SNTG1: variants seen among roughly 807,000 people sequenced by gnomAD.
SNTG1 encodes the protein syntrophin gamma 1, also known as gamma-1-syntrophin.
Under a neutral mutation model 74.7 loss-of-function variants are expected in SNTG1, and 39 were observed. The observed-to-expected ratio is 0.52, with a 90% CI of 0.40 to 0.68. SNTG1 has a LOEUF of 0.68. Ranked by LOEUF, SNTG1 falls within the 30% of genes least tolerant of loss-of-function variation. The pLI is 0.00. For synonymous variants in SNTG1, 254 were observed against 217.1 expected (o/e 1.17, Z -1.49); for missense variants, 685 against 609.5 (o/e 1.12, Z -1.30).
chr8:50,598,149 C>T (rs1474923956), intron 13 of SNTG1, among the ~76,000 whole-genome samples: 2 of 151,728 alleles, frequency 1.3e-5, no homozygotes, highest in African/African-American at 4.8e-5. Flanking sequence ...TTGCCCAGCC[C>T]AATTTCATGA....
At chr8:50,017,283 G>A (rs1460168687) in intron 1 of SNTG1, among the ~76,000 whole-genome samples, 1 of 151,726 alleles carries the variant, frequency 6.6e-6, no homozygotes, top group African/African-American at 2.4e-5. Flanking sequence ...TATAGAAAGA[G>A]AAAAAGGGAA....
chr8:50,461,422 G>A (rs2093561153), intron 8 of SNTG1, among the ~76,000 whole-genome samples: 1 of 151,984 alleles, frequency 6.6e-6, no homozygotes, highest in Non-Finnish European at 1.5e-5. Context: ...TATACCCAAT[G>A]CCAATTATGC....
rs545418685 is a variant in SNTG1, at chr8:50,175,197, G to A, written c.-28+2562G>A. 4.2e-3 allele frequency among the ~76,000 whole-genome samples: 646 copies of A among 152,202 alleles called. 4 individuals carry two copies. Among genetic ancestry groups the A allele is most frequent in the Non-Finnish European group, 7.0e-3 (473 of 68,032 alleles). On this transcript the variant is annotated intron_variant, in intron 2 of 18. Coordinates refer to ENST00000642720, the MANE Select transcript of SNTG1 (RefSeq NM_018967.5). Reference sequence around the variant, plus strand: ...TACGTGTGCATGTGTCTTTATAGCAGCATGATTTATAGTCCTTTGGGTATA... The same window carrying A: ...TACGTGTGCATGTGTCTTTATAGCAACATGATTTATAGTCCTTTGGGTATA...
At chr8:50,058,255 A>G (rs1820191685) in intron 1 of SNTG1, among the ~76,000 whole-genome samples, 1 of 152,150 alleles carries the variant, frequency 6.6e-6, no homozygotes, top group Non-Finnish European at 1.5e-5. Flanking sequence ...AACAAATACT[A>G]TGCTTTTTCA....
At position 50,400,463 on chromosome 8, in the gene SNTG1, C is replaced by T. The variant is rs150959705; in HGVS notation, c.28-1747C>T. On this transcript the variant is annotated intron_variant, in intron 3 of 18. Transcript: ENST00000642720. ...ATCTTGGCTGTTGTGAATAGTGCTA[C>T]AATAAACATGGGAGTGCAGATGTCC... 6.1e-3 allele frequency among the ~76,000 whole-genome samples: 923 copies of T among 152,248 alleles called. 4 individuals carry two copies. The highest frequency in any genetic ancestry group is 0.02 in the Middle Eastern group (6 of 294).
intron 2 of SNTG1, among the ~76,000 whole-genome samples, chr8:50,179,027 G>C (rs890772293): frequency 6.6e-6 from 1 of 152,238 alleles, no homozygotes. Flanking sequence ...TGTTGTATAA[G>C]AGTCCAGTTT....
At chr8:50,222,295 G>C (rs779861201) in intron 2 of SNTG1, among the ~76,000 whole-genome samples, 1 of 152,160 alleles carries the variant, frequency 6.6e-6, no homozygotes, top group East Asian at 1.9e-4. Context: ...TATAGCCTGA[G>C]GGAGGGGCTA....
chr8:50,667,300 T>C (rs576100115), intron 15 of SNTG1, among the ~76,000 whole-genome samples: 2 of 152,218 alleles, frequency 1.3e-5, no homozygotes, highest in East Asian at 3.9e-4. Context: ...TAACCACTTT[T>C]TTAAAAAGTT....
At chr8:50,142,625 G>T (rs2081705840) in intron 1 of SNTG1, among the ~76,000 whole-genome samples, 1 of 152,084 alleles carries the variant, frequency 6.6e-6, no homozygotes, top group Non-Finnish European at 1.5e-5. Context: ...ATAAGGTTTT[G>T]TTAAAGAAGC....
chr8:50,427,117 T>C (rs566364641), intron 4 of SNTG1, among the ~76,000 whole-genome samples: 1 of 152,270 alleles, frequency 6.6e-6, no homozygotes, highest in African/African-American at 2.4e-5. Flanking sequence ...TACTTCTACC[T>C]ATATAGATAT....
At chr8:50,275,740 G>A (rs1313465074) in intron 2 of SNTG1, among the ~76,000 whole-genome samples, 2 of 152,082 alleles carry the variant, frequency 1.3e-5, no homozygotes, top group Non-Finnish European at 2.9e-5. Flanking sequence ...TAGTTACTGT[G>A]GAAATTTTCC....
chr8:50,752,524 A>G (rs1425403893), intron 18 of SNTG1, among the ~76,000 whole-genome samples: 1 of 151,916 alleles, frequency 6.6e-6, no homozygotes, highest in East Asian at 1.9e-4. Context: ...CAAAATCTGC[A>G]TTATTTTCAT....
intron 2 of SNTG1, among the ~76,000 whole-genome samples, chr8:50,267,673 T>C (rs191412604): frequency 4.6e-5 from 7 of 152,282 alleles, no homozygotes; most frequent in East Asian, 1.9e-4. Context: ...ATCTATGTAA[T>C]CCACCATATT....
At chr8:50,265,430 T>C (rs1283437801) in intron 2 of SNTG1, among the ~76,000 whole-genome samples, 6 of 152,140 alleles carry the variant, frequency 3.9e-5, no homozygotes, top group Non-Finnish European at 4.4e-5. Flanking sequence ...CACCATTTTA[T>C]AGTGCATACA....
chr8:50,067,653 C>CA (rs1277025945), intron 1 of SNTG1, among the ~76,000 whole-genome samples: 1 of 152,130 alleles, frequency 6.6e-6, no homozygotes, highest in Non-Finnish European at 1.5e-5. Context: ...TTGTTAGGTA[C>CA]AAACCCACAG....
chr8:50,387,434 T>C (rs1421224679), intron 2 of SNTG1, among the ~76,000 whole-genome samples: 1 of 152,146 alleles, frequency 6.6e-6, no homozygotes, highest in Non-Finnish European at 1.5e-5. Flanking sequence ...AAGTCATCTG[T>C]TAACTTCCTC....
intron 1 of SNTG1, among the ~76,000 whole-genome samples, chr8:49,995,798 G>A (rs1314976274): frequency 6.6e-6 from 1 of 152,180 alleles, no homozygotes; most frequent in Non-Finnish European, 1.5e-5. Flanking sequence ...TCATTGCCTT[G>A]TCAATAAATC....
chr8:50,007,062 G>T (rs1268103801), intron 1 of SNTG1, among the ~76,000 whole-genome samples: 2 of 151,946 alleles, frequency 1.3e-5, no homozygotes, highest in Non-Finnish European at 2.9e-5. Context: ...GGAGTCCCAG[G>T]ACAGGGAAGG....
intron 12 of SNTG1, among the ~76,000 whole-genome samples, chr8:50,585,226 C>A (rs1218573191): frequency 6.6e-6 from 1 of 152,060 alleles, no homozygotes; most frequent in Non-Finnish European, 1.5e-5. Flanking sequence ...TATCTGAATC[C>A]ATTTTACTTT....
Sources: gnomAD v4.1 joint callset for allele counts (sites outside exome capture counted in the v4.1 genomes callset) on GRCh38, gnomAD v4.1.1 for gene constraint, MANE v1.5 for transcripts, NCBI Gene and HGNC (gene_info 2026-07-23, HGNC 2026-07-21) for gene names.